PARP10: variants seen among roughly 807,000 people sequenced by gnomAD.
The protein encoded by PARP10 is protein mono-ADP-ribosyltransferase PARP10.
A neutral mutation model predicts 82.4 loss-of-function variants in PARP10; 56 were observed. That is an observed-to-expected ratio of 0.68 (90% CI 0.55 to 0.85). The LOEUF (loss-of-function observed/expected upper bound fraction) is 0.85. Ranked by LOEUF, PARP10 falls within the 40% of genes least tolerant of loss-of-function variation. The pLI, the probability that PARP10 is intolerant of heterozygous loss-of-function variation, is 0.00. For missense variants in PARP10, 1,227 were observed against 1,379.4 expected (o/e 0.89, Z 1.75); for synonymous variants, 576 against 601.1 (o/e 0.96, Z 0.61).
rs1834295261 is a variant in PARP10 at position 144,012,414 on chromosome 8, A to G, written c.-80+116T>C. 8 of 1,023,968 alleles carry G rather than the reference A, an allele frequency of 7.8e-6. No individual in the cohort carries two copies. In the Admixed American group the frequency reaches 1.4e-4, roughly 17 times the overall value. 63.4% of individuals were successfully genotyped at this position (1,023,968 alleles called of 1,614,324 possible). ...CCAGGGCCCACTGGGCCAGCCTTGC[A>G]GACTCTGCACCCTCCTTCAGCCCAG... On this transcript the variant is annotated intron_variant, in intron 1 of 3. Transcript: ENST00000530478.
At position 144,007,818 on chromosome 8, in the gene PARP10, G is replaced by A. The variant is rs139796429; in HGVS notation, c.-80+4712C>T. 3.7e-3 allele frequency among the ~76,000 whole-genome samples: 563 copies of A among 152,302 alleles called. 2 individuals carry two copies. The highest frequency in any genetic ancestry group is 0.012 in the African/African-American group (515 of 41,548). The stretch of plus-strand genomic sequence containing the variant: ...GCTGGGAAAATGTTGAAAGACCCAG[G>A]GCCCATGGGAGAGCCCAGGTACTTG... On this transcript the variant is annotated intron_variant, in intron 1 of 3. Transcript: ENST00000530478.
intron 1 of PARP10, among the ~76,000 whole-genome samples, chr8:144,006,918 GC>G (rs1485963427): frequency 2.6e-5 from 4 of 152,178 alleles, no homozygotes; most frequent in Non-Finnish European, 5.9e-5. Context: ...AGTCTGAGGG[GC>G]TGGAAGCCCA....
At chr8:143,993,119 C>T (rs781950595), upstream of PARP10, 3 of 419,756 alleles carry the variant, frequency 7.1e-6, no homozygotes, top group Admixed American at 8.2e-5. Flanking sequence ...TGCATGAGCC[C>T]TGTCTGCCAG....
At chr8:144,012,515 C>T (rs2133089811) in intron 1 of PARP10, 1 of 1,551,672 alleles carries the variant, frequency 6.4e-7, no homozygotes, top group East Asian at 2.4e-5. Context: ...TGCCCCAGGG[C>T]ATGTCTCTAC....
At chr8:144,004,010 G>A (rs1177481759) in intron 1 of PARP10, among the ~76,000 whole-genome samples, 6 of 151,912 alleles carry the variant, frequency 3.9e-5, no homozygotes, top group African/African-American at 7.3e-5. Flanking sequence ...ACTCCAGCCT[G>A]GGCAACAACA....
intron 1 of PARP10, among the ~76,000 whole-genome samples, chr8:144,007,096 G>C (rs1834241311): frequency 1.3e-5 from 2 of 152,198 alleles, no homozygotes. Context: ...ACAACACAGA[G>C]AAGTTAGCAA....
At chr8:143,998,776 C>T (rs1363107229) in intron 1 of PARP10, among the ~76,000 whole-genome samples, 2 of 151,882 alleles carry the variant, frequency 1.3e-5, no homozygotes, top group Admixed American at 6.6e-5. Flanking sequence ...ATGGCAAAAC[C>T]CCATCTCTAC....
chr8:144,009,522 G>A (rs184195836), intron 1 of PARP10, among the ~76,000 whole-genome samples: 2 of 152,180 alleles, frequency 1.3e-5, no homozygotes, highest in Admixed American at 6.6e-5. Context: ...CCCATTCCTG[G>A]GCAACCTCAT....
chr8:144,012,570 C>A, exon 1 of PARP10: 2 of 1,551,546 alleles, frequency 1.3e-6, no homozygotes, highest in Non-Finnish European at 1.7e-6. Context: ...GAGGCTGGTG[C>A]GGGAAAATGA....
upstream of PARP10, among the ~76,000 whole-genome samples, chr8:143,995,491 G>A (rs1215202737): frequency 6.6e-6 from 1 of 152,208 alleles, no homozygotes; most frequent in East Asian, 1.9e-4. Flanking sequence ...ACGTGGTGAT[G>A]TGGCCAGGCA....
upstream of PARP10, chr8:143,988,707 A>T (rs542086258): frequency 1.3e-5 from 2 of 152,074 alleles, no homozygotes; most frequent in Admixed American, 6.5e-5. Flanking sequence ...TGACCTTGTG[A>T]TCCACCCGCC....
chr8:143,983,227 G>A lies in PARP10; in HGVS notation c.2362C>T (p.Leu788Phe). The change falls in exon 8 of 11, where the codon CTT (leucine) becomes TTT (phenylalanine). Residue 788 changes from leucine to phenylalanine, a missense_variant. By Grantham distance (22) the Leu-to-Phe change is conservative. Coordinates refer to ENST00000313028, the MANE Select transcript of PARP10 (RefSeq NM_032789.5). ...PARAARHLVALLAGPWDQSLA... is the reference protein window; with the variant it reads ...PARAARHLVAFLAGPWDQSLA... ...CTCTGATCCCAGGGGCCAGCCAGAA[G>A]TGCCACCAAGTGGCGGGCAGCACGG... 1.9e-6 allele frequency: 3 copies of A among 1,613,720 alleles called. No individual in the cohort carries two copies. The highest frequency in any genetic ancestry group is 2.5e-6 in the Non-Finnish European group (3 of 1,180,002).
At chr8:144,001,104 C>T (rs948911412) in intron 1 of PARP10, among the ~76,000 whole-genome samples, 29 of 151,590 alleles carry the variant, frequency 1.9e-4, no homozygotes, top group African/African-American at 5.6e-4. Context: ...TTAGTAGAGA[C>T]GAGGTTTCAC....
chr8:143,981,328 C>T (rs927534562), intron 9 of PARP10, among the ~76,000 whole-genome samples: 3 of 121,842 alleles, frequency 2.5e-5, no homozygotes, highest in East Asian at 2.3e-4. Context: ...ATGGTGGTGA[C>T]GACAGTGAGT....
At chr8:143,991,777 G>A (rs782243017), upstream of PARP10, 8 of 1,613,398 alleles carry the variant, frequency 5.0e-6, no homozygotes, top group South Asian at 8.8e-5. Flanking sequence ...GGGATGACAA[G>A]AGCATCCGAC....
At position 143,983,260 on chromosome 8, in the gene PARP10, G is replaced by A. The variant is rs782630384; in HGVS notation, c.2329C>T (p.His777Tyr). The change falls in exon 8 of 11, where the codon CAC (histidine) becomes TAC (tyrosine). Residue 777 changes from histidine (H) to tyrosine (Y), a missense_variant. His to Tyr is a moderately conservative substitution (Grantham distance 83). Coordinates refer to ENST00000313028, the MANE Select transcript of PARP10 (RefSeq NM_032789.5). The stretch of plus-strand genomic sequence containing the variant: ...AAGTGGCGGGCAGCACGGGCAGGGT[G>A]GGCCCCGAAGCCACGGAGGATGGTG... ...DCTILRGFGAHPARAARHLVA... is the reference protein window; with the variant it reads ...DCTILRGFGAYPARAARHLVA... 9.9e-6 allele frequency: 16 copies of A among 1,612,970 alleles called. No individual in the cohort carries two copies. In the South Asian group the frequency reaches 1.4e-4, roughly 14 times the overall value.
At chr8:143,983,120 G>C in intron 8 of PARP10, 47 bp downstream of exon 8, 1 of 1,612,586 alleles carries the variant, frequency 6.2e-7, no homozygotes, top group Non-Finnish European at 8.5e-7. Context: ...ACTAGCCCCT[G>C]CTAACCAGCC....
In PARP10 at chr8:143,983,354, T is replaced by C. The variant is rs1554748188; in HGVS notation, c.2235A>G (p.Thr745=). 6.2e-7 allele frequency: 1 copy of C among 1,608,286 alleles called. No homozygotes were observed. Among genetic ancestry groups the C allele is most frequent in the Admixed American group, 1.7e-5 (1 of 59,728 alleles). Residue 745 remains threonine (T), a synonymous_variant, in exon 8 of 11, where the codon ACA becomes ACG. Coordinates refer to ENST00000313028, the MANE Select transcript of PARP10 (RefSeq NM_032789.5). ...QEETVGPWRR[T]LPAELRARLE... is the part of the protein sequence containing the mutation. The stretch of plus-strand genomic sequence containing the variant: ...GGCGAGCACGCAGCTCTGCAGGCAG[T>C]GTGCGGCGCCAGGGCCCCACCGTCT...
chr8:144,005,167 A>T (rs1554751993), intron 1 of PARP10, among the ~76,000 whole-genome samples: 1 of 150,604 alleles, frequency 6.6e-6, no homozygotes, highest in Non-Finnish European at 1.5e-5. Context: ...TGACAAGGCA[A>T]GACTCAGTCT....
Sources: allele counts gnomAD v4.1 joint callset (sites outside exome capture counted in the v4.1 genomes callset), GRCh38; gene constraint gnomAD v4.1.1; transcripts MANE v1.5; gene names NCBI Gene and HGNC (gene_info 2026-07-23, HGNC 2026-07-21).